The following SLAMF8 variants were observed in gnomAD, a reference collection of about 807,000 sequenced individuals.
SLAMF8 encodes the protein B lymphocyte activator macrophage expressed.
A neutral mutation model predicts 29.0 loss-of-function variants in SLAMF8; 23 were observed. The ratio of observed to expected loss-of-function variants is 0.79; its 90% CI spans 0.57 to 1.13. The LOEUF is 1.13. Ranked by LOEUF, SLAMF8 falls within the 50% of genes most tolerant of loss-of-function variation. The pLI, the probability that SLAMF8 is intolerant of heterozygous loss-of-function variation, is 0.00. For synonymous variants in SLAMF8, 139 were observed against 145.6 expected, an observed-to-expected ratio of 0.96 and a Z score of 0.32; for missense variants, 381 against 353.1, an observed-to-expected ratio of 1.08 and a Z score of -0.63.
chr1:159,836,417 G>A lies in SLAMF8; in HGVS notation c.*1157G>A. 3.0e-6 allele frequency: 3 copies of A among 985,444 alleles called. No homozygotes were observed. The highest frequency in any genetic ancestry group is 3.6e-6 in the Non-Finnish European group (3 of 829,944). 61.0% of individuals were successfully genotyped at this position (985,444 alleles called of 1,614,324 possible). On this transcript the variant is annotated 3_prime_UTR_variant, in exon 5 of 5. Transcript: ENST00000289707. ...TGATTCTGTCTAGAAAAGCTCTGGA[G>A]TATTGATCACTACTGGAAAAACACT...
intron 1 of SLAMF8, among the ~76,000 whole-genome samples, chr1:159,828,815 A>C (rs1168422006): frequency 6.6e-6 from 1 of 151,364 alleles, no homozygotes; most frequent in Non-Finnish European, 1.5e-5. Context: ...ATGCTACAAG[A>C]GTGGGCAGAA....
intron 1 of SLAMF8, among the ~76,000 whole-genome samples, chr1:159,827,513 G>T (rs889963813): frequency 1.3e-5 from 2 of 152,158 alleles, no homozygotes; most frequent in African/African-American, 4.8e-5. Context: ...GATACACGGG[G>T]TCTCCTCCAC....
chr1:159,830,435 C>T (rs1248797215), intron 2 of SLAMF8, among the ~76,000 whole-genome samples: 1 of 152,210 alleles, frequency 6.6e-6, no homozygotes, highest in Non-Finnish European at 1.5e-5. Flanking sequence ...TTTCTTGGCT[C>T]AGTGGCCTTG....
At chr1:159,828,855 T>TTTG (rs923153354) in intron 1 of SLAMF8, among the ~76,000 whole-genome samples, 2 of 152,072 alleles carry the variant, frequency 1.3e-5, no homozygotes, top group Non-Finnish European at 1.5e-5. Context: ...AGGGGGGCAC[T>TTTG]TCAAGGAGAA....
Position 159,836,229 on chromosome 1 carries a change from G to A in SLAMF8, c.*969G>A. The A allele has an allele frequency of 1.0e-6, 1 of 985,458 alleles. No individual in the cohort carries two copies. Among genetic ancestry groups the A allele is most frequent in the Non-Finnish European group, 1.2e-6 (1 of 829,928 alleles). 61.0% of individuals were successfully genotyped at this position (985,458 alleles called of 1,614,324 possible). ...AGAGAAAGGGTACTGAGGCACTCTA[G>A]AATCTGCCACATTCATTTTCAAATG... On this transcript the variant is annotated 3_prime_UTR_variant, in exon 5 of 5. Coordinates refer to ENST00000289707, the MANE Select transcript of SLAMF8 (RefSeq NM_020125.3).
rs536724602 is a variant in SLAMF8, at chr1:159,836,657, C to T, written c.*1397C>T. The T allele has an allele frequency of 3.0e-6, 3 of 985,474 alleles. No homozygotes were observed. The African/African-American group carries it at 5.2e-5, about 17-fold the overall frequency. 61.0% of individuals were successfully genotyped at this position (985,474 alleles called of 1,614,324 possible). On this transcript the variant is annotated 3_prime_UTR_variant, in exon 5 of 5. Transcript: ENST00000289707. ...TGTCAGCCCTGTCCAAGGACCTTCCCTCTTCTCCCCAGTTCCTGGGCAATC... is the reference window on the plus strand; with the variant it reads ...TGTCAGCCCTGTCCAAGGACCTTCCTTCTTCTCCCCAGTTCCTGGGCAATC...
intron 1 of SLAMF8, among the ~76,000 whole-genome samples, chr1:159,827,897 C>T (rs984148362): frequency 6.6e-6 from 1 of 151,882 alleles, no homozygotes; most frequent in East Asian, 1.9e-4. Flanking sequence ...TGCAATGGTG[C>T]ATCTCAGCTC....
At position 159,829,857 on chromosome 1, in the gene SLAMF8, T is replaced by C. The variant is rs755799143; in HGVS notation, c.41-9T>C. ...GCAGGCAGAGTGACCAGGGGCTCTG[T>C]TCTTTCAGCCCTACTTCCCATTACA... On this transcript the variant is annotated splice_polypyrimidine_tract_variant and intron_variant, in intron 1 of 4. Transcript: ENST00000289707. 5 of 1,592,034 alleles carry C rather than the reference T, an allele frequency of 3.1e-6. No individual in the cohort carries two copies. The South Asian group carries it at 5.7e-5, about 18-fold the overall frequency.
Position 159,830,059 on chromosome 1 carries a change from C to T in SLAMF8, c.234C>T (p.Gly78=). The T allele has an allele frequency of 1.9e-6, 3 of 1,614,248 alleles. No individual in the cohort carries two copies. Among genetic ancestry groups the T allele is most frequent in the East Asian group, 2.2e-5 (1 of 44,888 alleles). The stretch of plus-strand genomic sequence containing the variant: ...CTCTGTACCATTCCCGCTTCCTGGG[C>T]CGAGCCCAGCTACACAGCAACCTCA... The part of the protein sequence containing the change: ...LETLYHSRFL[G]RAQLHSNLSL... The change falls in exon 2 of 5, where the codon GGC becomes GGT. Residue 78 remains glycine, a synonymous_variant. Transcript: ENST00000289707.
At chr1:159,833,658 TC>T (rs775983996) in intron 4 of SLAMF8, among the ~76,000 whole-genome samples, 7 of 152,048 alleles carry the variant, frequency 4.6e-5, no homozygotes, top group Non-Finnish European at 1.0e-4. Flanking sequence ...CCACCCAGCC[TC>T]CCCCCTTCAT....
In SLAMF8 at chr1:159,829,997, G is replaced by C; in HGVS notation, c.172G>C (p.Glu58Gln). 1 of 1,614,214 alleles carries C rather than the reference G, an allele frequency of 6.2e-7. No homozygotes were observed. The highest frequency in any genetic ancestry group is 1.1e-5 in the South Asian group (1 of 91,090). Residue 58 changes from glutamate to glutamine, a missense_variant, in exon 2 of 5, where the codon GAG becomes CAG. Glu to Gln is a conservative substitution (Grantham distance 29). Transcript: ENST00000289707. ...AIWRSLWPSE[E>Q]LLATFFRGSL... ...CTGGCGATCTCTCTGGCCTTCAGAA[G>C]AGCTCCTGGCCACGTTTTTCCGAGG...
chr1:159,828,888 T>C (rs1229402890), intron 1 of SLAMF8, among the ~76,000 whole-genome samples: 1 of 152,094 alleles, frequency 6.6e-6, no homozygotes, highest in South Asian at 2.1e-4. Context: ...CACGTCTGAC[T>C]CAAATATAGT....
intron 4 of SLAMF8, among the ~76,000 whole-genome samples, chr1:159,834,036 G>A (rs1647702467): frequency 6.6e-6 from 1 of 152,204 alleles, no homozygotes; most frequent in Non-Finnish European, 1.5e-5. Context: ...TTGAGAAGAG[G>A]AAGGAAGGGG....
rs1311909648 is a variant in SLAMF8, at chr1:159,837,345, T to A, written c.*2085T>A. On this transcript the variant is annotated 3_prime_UTR_variant, in exon 5 of 5. Coordinates refer to ENST00000289707, the MANE Select transcript of SLAMF8 (RefSeq NM_020125.3). Reference sequence around the variant, plus strand: ...TTGTGCTAATGAGCATTGAGACTGATGCTTTGTAAGTCACACCACAACAAA... The same window carrying A: ...TTGTGCTAATGAGCATTGAGACTGAAGCTTTGTAAGTCACACCACAACAAA... 6.5e-5 allele frequency: 63 copies of A among 971,022 alleles called. No individual in the cohort carries two copies. Among genetic ancestry groups the A allele is most frequent in the Non-Finnish European group, 7.3e-5 (60 of 816,830 alleles). 60.2% of individuals were successfully genotyped at this position (971,022 alleles called of 1,614,324 possible).
At position 159,830,243 on chromosome 1, in the gene SLAMF8, A is replaced by T. The variant is rs368796311; in HGVS notation, c.367+51A>T. 6.0e-6 allele frequency: 9 copies of T among 1,508,354 alleles called. No individual in the cohort carries two copies. In the South Asian group the frequency reaches 6.8e-5, roughly 11 times the overall value. The allele number at this position is 1,508,354 out of a possible 1,614,324, so 93.4% of individuals were successfully genotyped here. ...TGGCCCTCTTCCCCCACAAAGCACCAGACGAGCATCCTGAGTCATAGCAGC... is the reference window on the plus strand; with the variant it reads ...TGGCCCTCTTCCCCCACAAAGCACCTGACGAGCATCCTGAGTCATAGCAGC... On this transcript the variant is annotated intron_variant, in intron 2 of 4. Transcript: ENST00000289707.
chr1:159,833,723 T>C (rs577922270), intron 4 of SLAMF8, among the ~76,000 whole-genome samples: 2 of 152,328 alleles, frequency 1.3e-5, no homozygotes, highest in South Asian at 4.1e-4. Flanking sequence ...AAGCCTTCCC[T>C]GATTGCCCCA....
rs1557893992 is a variant in SLAMF8 at position 159,836,171 on chromosome 1, A to AC, written c.*913dup. Reference sequence around the variant, plus strand: ...CTGCCTGAAACTGAGAGAGTGAAGAACCATAAAACGCTATGCAGAAGGAAC... The same window carrying AC: ...CTGCCTGAAACTGAGAGAGTGAAGAACCCATAAAACGCTATGCAGAAGGAAC... On this transcript the variant is annotated 3_prime_UTR_variant, in exon 5 of 5. Transcript: ENST00000289707. 1 of 985,308 alleles carries AC rather than the reference A, an allele frequency of 1.0e-6. No individual in the cohort carries two copies. The highest frequency in any genetic ancestry group is 1.2e-6 in the Non-Finnish European group (1 of 829,924). 61.0% of individuals were successfully genotyped at this position (985,308 alleles called of 1,614,324 possible). A position where few individuals can be genotyped will look rare whatever the true frequency, so the allele number is the denominator to read the frequency against.
Position 159,830,127 on chromosome 1 carries a change from T to C in SLAMF8, c.302T>C (p.Phe101Ser), listed in dbSNP as rs764653814. 148 of 1,614,010 alleles carry C rather than the reference T, an allele frequency of 9.2e-5. No homozygotes were observed. In the Admixed American group the frequency reaches 1.5e-3, roughly 17 times the overall value. ...GPLESGDSGN[F>S]SVLMVDTRGQ... ...CTGGAGTCTGGAGACAGCGGCAACT[T>C]CTCCGTGTTGATGGTGGACACAAGG... Residue 101 changes from phenylalanine (F) to serine (S), a missense_variant, in exon 2 of 5, where the codon TTC (phenylalanine) becomes TCC (serine). Coordinates refer to ENST00000289707, the MANE Select transcript of SLAMF8 (RefSeq NM_020125.3).
Position 159,836,345 on chromosome 1 carries a change from AAACTTTT to A in SLAMF8, c.*1086_*1092del, listed in dbSNP as rs1647933975. 1 of 985,322 alleles carries A rather than the reference AAACTTTT, an allele frequency of 1.0e-6. No homozygotes were observed. Among genetic ancestry groups the A allele is most frequent in the Admixed American group, 6.1e-5 (1 of 16,284 alleles). 61.0% of individuals were successfully genotyped at this position (985,322 alleles called of 1,614,324 possible). A position where few individuals can be genotyped will look rare whatever the true frequency, so the allele number is the denominator to read the frequency against. ...CTGTAGAGGTCACTCTGACTCCATCAAACTTTTTATTGTGGCCATCTTAGGAAAATAC... is the reference window on the plus strand; with the variant it reads ...CTGTAGAGGTCACTCTGACTCCATCATATTGTGGCCATCTTAGGAAAATAC... On this transcript the variant is annotated 3_prime_UTR_variant, in exon 5 of 5. Coordinates refer to ENST00000289707, the MANE Select transcript of SLAMF8 (RefSeq NM_020125.3).
Sources: allele counts gnomAD v4.1 joint callset (sites outside exome capture counted in the v4.1 genomes callset), GRCh38; gene constraint gnomAD v4.1.1; transcripts MANE v1.5; gene names NCBI Gene and HGNC (gene_info 2026-07-23, HGNC 2026-07-21).